SBNO2: variants seen among roughly 807,000 people sequenced by gnomAD.
SBNO2 encodes protein strawberry notch homolog 2.
Under a neutral mutation model 146.3 loss-of-function variants are expected in SBNO2, and 89 were observed. The observed-to-expected ratio is 0.61, with a 90% confidence interval of 0.51 to 0.73. The LOEUF (loss-of-function observed/expected upper bound fraction) is 0.73, where lower values mean the gene tolerates loss of function less well. SBNO2 is among the 30% of genes least tolerant of loss of function. The pLI is 0.00. For missense variants in SBNO2, 2,092 were observed against 2,003.7 expected (o/e 1.04, Z -0.84); for synonymous variants, 1,147 against 892.6 (o/e 1.29, Z -5.08).
chr19:1,172,486 C>A (rs2080487293), intron 1 of SBNO2, among the ~76,000 whole-genome samples: 1 of 152,164 alleles, frequency 6.6e-6, no homozygotes, highest in Non-Finnish European at 1.5e-5. Flanking sequence ...ACCTGCTGGG[C>A]CTGCCACAAA....
At chr19:1,132,146 T>C (rs777318256) in intron 4 of SBNO2, 2 of 1,492,238 alleles carry the variant, frequency 1.3e-6, no homozygotes, top group Non-Finnish European at 1.8e-6. Flanking sequence ...GTCCCGGCGC[T>C]CGGGGGGCCA....
In SBNO2 at chr19:1,111,609, G is replaced by T. The variant is rs1239451693; in HGVS notation, c.2706C>A (p.Gly902=). The change falls in exon 24 of 32, where the codon GGC becomes GGA. Residue 902 remains glycine, a synonymous_variant. Transcript: ENST00000361757. ...LSKYNFENKY[G]TRALHCVLTT... ...TGAGGACACAGTGCAGGGCCCGGGTGCCATACTAGGGGGAGAAGGTGACTC... is the reference window on the plus strand; with the variant it reads ...TGAGGACACAGTGCAGGGCCCGGGTTCCATACTAGGGGGAGAAGGTGACTC... 2 of 1,581,420 alleles carry T rather than the reference G, an allele frequency of 1.3e-6. No homozygotes were observed. Among genetic ancestry groups the T allele is most frequent in the African/African-American group, 2.7e-5 (2 of 74,278 alleles).
chr19:1,170,636 AC>A (rs1427517254), intron 1 of SBNO2, among the ~76,000 whole-genome samples: 1 of 152,124 alleles, frequency 6.6e-6, no homozygotes, highest in African/African-American at 2.4e-5. Context: ...GCACACAGGG[AC>A]AGGCCACACA....
chr19:1,135,074 G>A (rs2080073527), intron 4 of SBNO2, among the ~76,000 whole-genome samples: 1 of 144,436 alleles, frequency 6.9e-6, no homozygotes, highest in Non-Finnish European at 1.5e-5. Flanking sequence ...AAAAAAGGTG[G>A]ATTTGGCCGA....
In SBNO2 at chr19:1,127,641, A is replaced by C. The variant is rs371132798; in HGVS notation, c.404T>G (p.Ile135Ser). The change falls in exon 5 of 32, where the codon ATC (isoleucine) becomes AGC (serine). Residue 135 changes from isoleucine to serine, a missense_variant. Coordinates refer to ENST00000361757, the MANE Select transcript of SBNO2 (RefSeq NM_014963.3). The stretch of plus-strand genomic sequence containing the variant: ...GGAGGGGGCAGGGTTATCGTCCCAG[A>C]TGGTGGACACCTGGTTGAGGCTGTC... ...PADSLNQVST[I>S]WDDNPAPSTH... is the part of the protein sequence containing the mutation. The C allele has an allele frequency of 6.2e-7, 1 of 1,613,276 alleles. No homozygotes were observed. Among genetic ancestry groups the C allele is most frequent in the Non-Finnish European group, 8.5e-7 (1 of 1,179,876 alleles).
chr19:1,123,011 C>A lies in SBNO2; in HGVS notation c.663G>T (p.Val221=). 6.3e-7 allele frequency: 1 copy of A among 1,588,754 alleles called. No individual in the cohort carries two copies. Among genetic ancestry groups the A allele is most frequent in the Middle Eastern group, 1.7e-4 (1 of 6,034 alleles). The change falls in exon 8 of 32, where the codon GTG becomes GTT. Residue 221 remains valine (V), a synonymous_variant. Coordinates refer to ENST00000361757, the MANE Select transcript of SBNO2 (RefSeq NM_014963.3). ...KIGKQHPDRV[V]ETSTLSSVPP... ...GGACGCTGGACAGTGTGCTGGTCTCCACCACGCGGTCTGGGTGCTGCTTCC... is the reference window on the plus strand; with the variant it reads ...GGACGCTGGACAGTGTGCTGGTCTCAACCACGCGGTCTGGGTGCTGCTTCC...
At chr19:1,123,464 A>C in intron 7 of SBNO2, 70 bp downstream of exon 7, 2 of 1,299,552 alleles carry the variant, frequency 1.5e-6, no homozygotes, top group Non-Finnish European at 2.2e-6. Context: ...GGCGGTGGTC[A>C]CCTGCAGGGT....
rs372652484 is a variant in SBNO2, at chr19:1,108,987, C to G, written c.3426-18G>C. ...GCCGGTTCCTGCGGACGAGACGGGT[C>G]GTCTCGGCTCAGGCGGGTCCCAGGG... On this transcript the variant is annotated intron_variant, in intron 30 of 31. Transcript: ENST00000361757. 6.7e-7 allele frequency: 1 copy of G among 1,501,772 alleles called. No homozygotes were observed. The highest frequency in any genetic ancestry group is 8.9e-7 in the Non-Finnish European group (1 of 1,129,204). 93.0% of individuals were successfully genotyped at this position (1,501,772 alleles called of 1,614,324 possible).
At chr19:1,122,592 T>TGCCCCCCCC in intron 9 of SBNO2, 34 bp from the exon 10 acceptor site, 6 of 1,455,708 alleles carry the variant, frequency 4.1e-6, no homozygotes, top group Non-Finnish European at 3.7e-6. Context: ...CGCCCACCCT[T>TGCCCCCCCC]CCCCCTCGCC....
intron 1 of SBNO2, among the ~76,000 whole-genome samples, chr19:1,161,103 G>C (rs1451342639): frequency 5.7e-5 from 5 of 87,092 alleles, no homozygotes; most frequent in Admixed American, 5.7e-4. Flanking sequence ...CTGGAGGTGG[G>C]GGTGGGGGTG....
At position 1,114,358 on chromosome 19, in the gene SBNO2, G is replaced by A; in HGVS notation, c.1950C>T (p.Arg650=). The part of the protein sequence containing the change: ...RLACETAGVI[R]ISDDSSTESD... Reference sequence around the variant, plus strand: ...ACTCCGTGCTGCTGTCGTCACTGATGCGGATGACGCCCGCTGTCTCGCACG... The same window carrying A: ...ACTCCGTGCTGCTGTCGTCACTGATACGGATGACGCCCGCTGTCTCGCACG... Residue 650 remains arginine, a synonymous_variant, in exon 18 of 32, where the codon CGC becomes CGT. Coordinates refer to ENST00000361757, the MANE Select transcript of SBNO2 (RefSeq NM_014963.3). 6.4e-7 allele frequency: 1 copy of A among 1,557,162 alleles called. No homozygotes were observed. Among genetic ancestry groups the A allele is most frequent in the South Asian group, 1.2e-5 (1 of 84,410 alleles).
chr19:1,120,979 C>T (rs775178771), intron 11 of SBNO2, among the ~76,000 whole-genome samples: 12 of 149,296 alleles, frequency 8.0e-5, no homozygotes, highest in South Asian at 4.3e-4. Flanking sequence ...GCCACCTCTG[C>T]CTCCTGGGTT....
chr19:1,122,709 ACCGTC>A lies in SBNO2; in HGVS notation c.858_862del (p.Thr287GlyfsTer52). The A allele has an allele frequency of 6.5e-7, 1 of 1,535,934 alleles. No homozygotes were observed. The highest frequency in any genetic ancestry group is 8.7e-7 in the Non-Finnish European group (1 of 1,146,214). The stretch of plus-strand genomic sequence containing the variant: ...GTGGTTCTCCAGGATGACTCCGGCC[ACCGTC>A]CGGCCTTTGCCCACGCCGGCCCCAT... On this transcript the variant is annotated frameshift_variant, in exon 9 of 32. Transcript: ENST00000361757. LOFTEE classifies it high-confidence loss of function.
At chr19:1,121,645 G>A (rs1283517705) in intron 11 of SBNO2, among the ~76,000 whole-genome samples, 4 of 152,182 alleles carry the variant, frequency 2.6e-5, no homozygotes, top group Non-Finnish European at 4.4e-5. Flanking sequence ...CCTCCGAACC[G>A]CAGCCTGCCG....
intron 18 of SBNO2, 77 bp downstream of exon 18, chr19:1,114,154 C>T: frequency 1.5e-6 from 2 of 1,310,322 alleles, no homozygotes; most frequent in Non-Finnish European, 2.0e-6. Context: ...GGCTGGAATC[C>T]TGACCCAGAG....
At chr19:1,166,200 G>GA (rs2080422551) in intron 1 of SBNO2, among the ~76,000 whole-genome samples, 2 of 32,006 alleles carry the variant, frequency 6.2e-5, no homozygotes, top group Non-Finnish European at 1.2e-4. Context: ...TCAGATCCCC[G>GA]GATCCCCAGA....
At chr19:1,167,033 C>T (rs939820300) in intron 1 of SBNO2, among the ~76,000 whole-genome samples, 6 of 152,258 alleles carry the variant, frequency 3.9e-5, no homozygotes, top group Admixed American at 2.0e-4. Context: ...GACCTGCATC[C>T]GAGCCCTGAG....
At position 1,113,567 on chromosome 19, in the gene SBNO2, C is replaced by G. The variant is rs369076605; in HGVS notation, c.2215G>C (p.Asp739His). The G allele has an allele frequency of 1.9e-5, 31 of 1,601,612 alleles. No individual in the cohort carries two copies. The African/African-American group carries it at 2.6e-4, about 13-fold the overall frequency. ...LPVNTLDELI[D>H]QLGGPQRVAE... is the part of the protein sequence containing the mutation. Reference sequence around the variant, plus strand: ...ACCCGCTGGGGGCCGCCCAGCTGGTCGATGAGCTCGTCCAGGGTGTTGACT... The same window carrying G: ...ACCCGCTGGGGGCCGCCCAGCTGGTGGATGAGCTCGTCCAGGGTGTTGACT... The change falls in exon 19 of 32, where the codon GAC becomes CAC. Residue 739 changes from aspartate to histidine, a missense_variant. Asp to His is a moderately conservative substitution (Grantham distance 81, BLOSUM62 -1). Coordinates refer to ENST00000361757, the MANE Select transcript of SBNO2 (RefSeq NM_014963.3).
At chr19:1,155,147 C>G (rs924840137) in intron 1 of SBNO2, 1 of 152,268 alleles carries the variant, frequency 6.6e-6, no homozygotes, top group African/African-American at 2.4e-5. Context: ...AGGCGTCCGC[C>G]CAGCATGCTC....
Sources: gnomAD v4.1 joint callset for allele counts (sites outside exome capture counted in the v4.1 genomes callset) on GRCh38, gnomAD v4.1.1 for gene constraint, MANE v1.5 for transcripts, NCBI Gene and HGNC (gene_info 2026-07-23, HGNC 2026-07-21) for gene names.